Variants in ENTPD1 observed in about 807,000 individuals in gnomAD.
ENTPD1 encodes ectonucleoside triphosphate diphosphohydrolase 1.
A neutral mutation model predicts 57.0 loss-of-function variants in ENTPD1; 33 were observed. The observed-to-expected ratio is 0.58, with a 90% confidence interval of 0.44 to 0.77. The LOEUF (loss-of-function observed/expected upper bound fraction) is 0.77, where lower values mean the gene tolerates loss of function less well. Ranked by LOEUF, ENTPD1 falls within the 30% of genes least tolerant of loss-of-function variation. The pLI is 0.00. For synonymous variants in ENTPD1, 202 were observed against 218.8 expected, an observed-to-expected ratio of 0.92 and a Z score of 0.68; for missense variants, 501 against 603.4, an observed-to-expected ratio of 0.83 and a Z score of 1.78.
chr10:95,793,834 G>T (rs145021690), intron 1 of ENTPD1, among the ~76,000 whole-genome samples: 1 of 152,188 alleles, frequency 6.6e-6, no homozygotes, highest in Non-Finnish European at 1.5e-5. Context: ...ACTGAGCCAC[G>T]GTGGGTGGTG....
chr10:95,695,403 C>G, the ENTPD1 span, among the ~76,000 whole-genome samples: 1 of 152,134 alleles, frequency 6.6e-6, no homozygotes, highest in Admixed American at 6.5e-5. Context: ...TAAGAGTTAT[C>G]TAAAATCTAG....
chr10:95,796,315 G>A (rs866808176), intron 1 of ENTPD1, among the ~76,000 whole-genome samples: 26 of 152,166 alleles, frequency 1.7e-4, no homozygotes, highest in African/African-American at 6.0e-4. Flanking sequence ...GATTGCAAAG[G>A]AGGGTATTTC....
At chr10:95,696,998 A>G in the ENTPD1 span, among the ~76,000 whole-genome samples, 1 of 152,236 alleles carries the variant, frequency 6.6e-6, no homozygotes, top group Admixed American at 6.5e-5. Flanking sequence ...ATTGAAATAC[A>G]TGAAGGTGTG....
the ENTPD1 span, among the ~76,000 whole-genome samples, chr10:95,699,620 GA>G: frequency 6.6e-6 from 1 of 151,446 alleles, no homozygotes; most frequent in Admixed American, 6.6e-5. Flanking sequence ...AAAAAAGAAA[GA>G]GAGAGATTGA....
chr10:95,737,229 G>T (rs376605996), intron 1 of ENTPD1, among the ~76,000 whole-genome samples: 3 of 140,440 alleles, frequency 2.1e-5, no homozygotes, highest in East Asian at 4.0e-4. Context: ...GTCTAGTGGG[G>T]GAGTAAGATA....
chr10:95,708,106 T>TA (rs1306315015), upstream of ENTPD1, among the ~76,000 whole-genome samples: 21 of 152,376 alleles, frequency 1.4e-4, no homozygotes, highest in African/African-American at 4.6e-4. Context: ...TGTAAACTGT[T>TA]ATAGCCTTTT....
chr10:95,756,328 A>G, intron 1 of ENTPD1, 73 bp downstream of exon 1: 1 of 1,488,054 alleles, frequency 6.7e-7, no homozygotes, highest in South Asian at 1.3e-5. Context: ...GCCCAGACCA[A>G]AAAGCAAGTA....
intron 1 of ENTPD1, among the ~76,000 whole-genome samples, chr10:95,794,986 T>G (rs1001901981): frequency 1.3e-5 from 2 of 152,146 alleles, no homozygotes; most frequent in African/African-American, 2.4e-5. Context: ...TGTTCTTTCT[T>G]GTAAGTAATG....
intron 9 of ENTPD1, among the ~76,000 whole-genome samples, chr10:95,865,913 A>G (rs1030231096): frequency 1.3e-5 from 2 of 152,020 alleles, no homozygotes; most frequent in Admixed American, 1.3e-4. Flanking sequence ...GACTACAGAC[A>G]TGTTCCACCG....
intron 1 of ENTPD1, among the ~76,000 whole-genome samples, chr10:95,761,092 A>G (rs2098059789): frequency 6.6e-6 from 1 of 151,966 alleles, no homozygotes; most frequent in African/African-American, 2.4e-5. Flanking sequence ...GGCCTCCCAG[A>G]GTGCTGGGAT....
At chr10:95,828,069 C>G (rs914048702) in intron 2 of ENTPD1, among the ~76,000 whole-genome samples, 1 of 152,066 alleles carries the variant, frequency 6.6e-6, no homozygotes, top group African/African-American at 2.4e-5. Context: ...GCAGGGGTCC[C>G]CAACCCCCAG....
At chr10:95,852,649 G>A (rs2098447395) in intron 7 of ENTPD1, among the ~76,000 whole-genome samples, 2 of 152,160 alleles carry the variant, frequency 1.3e-5, no homozygotes, top group South Asian at 4.1e-4. Flanking sequence ...TTCTACGTAT[G>A]GCTAGCCAGT....
chr10:95,823,424 G>A (rs191634581), intron 2 of ENTPD1, 60 bp downstream of exon 2: 5 of 1,609,742 alleles, frequency 3.1e-6, no homozygotes, highest in Non-Finnish European at 4.2e-6. Context: ...GTGGGACAGG[G>A]GGAGGAGGGA....
rs200247284 is a variant in ENTPD1, at chr10:95,711,989, G to A, written c.33G>A (p.Gln11=). ...GAACCAAGGACCTGACAAGCCAGCAGAAGGGTAAGAAATTCTTACCAGTCA... is the reference window on the plus strand; with the variant it reads ...GAACCAAGGACCTGACAAGCCAGCAAAAGGGTAAGAAATTCTTACCAGTCA... The change falls in exon 1 of 10, where the codon CAG becomes CAA. Residue 11 remains glutamine, a synonymous_variant. Transcript: ENST00000453258. 4.8e-3 allele frequency: 7,716 copies of A among 1,613,846 alleles called. 22 individuals carry two copies. The highest frequency in any genetic ancestry group is 6.1e-3 in the Non-Finnish European group (7,199 of 1,179,996).
chr10:95,748,625 A>G (rs773113387), intron 1 of ENTPD1, among the ~76,000 whole-genome samples: 6 of 152,228 alleles, frequency 3.9e-5, no homozygotes, highest in Non-Finnish European at 8.8e-5. Context: ...CAATACTACT[A>G]TCATACCTTA....
chr10:95,854,643 C>T (rs924590293), intron 7 of ENTPD1, among the ~76,000 whole-genome samples: 6 of 152,204 alleles, frequency 3.9e-5, no homozygotes, highest in African/African-American at 1.4e-4. Flanking sequence ...TCTTTGTTCT[C>T]GTTGGTTTCA....
intron 7 of ENTPD1, among the ~76,000 whole-genome samples, chr10:95,853,952 G>C (rs2098449918): frequency 6.6e-6 from 1 of 152,194 alleles, no homozygotes; most frequent in South Asian, 2.1e-4. Flanking sequence ...CTCATAAAAT[G>C]AGTTAGGGCA....
intron 1 of ENTPD1, among the ~76,000 whole-genome samples, chr10:95,777,885 G>A (rs1247767683): frequency 2.0e-5 from 3 of 152,184 alleles, no homozygotes; most frequent in African/African-American, 2.4e-5. Context: ...CGCCTGCCTC[G>A]CAGGTTGATC....
intron 1 of ENTPD1, among the ~76,000 whole-genome samples, chr10:95,746,331 A>T (rs199837310): frequency 6.1e-4 from 93 of 152,092 alleles, no homozygotes; most frequent in South Asian, 1.7e-3. Context: ...GAAGTAGATT[A>T]AAAAAAAGAC....
Sources: allele counts gnomAD v4.1 joint callset (sites outside exome capture counted in the v4.1 genomes callset), GRCh38; gene constraint gnomAD v4.1.1; transcripts MANE v1.5; gene names NCBI Gene and HGNC (gene_info 2026-07-23, HGNC 2026-07-21).